Variants in RIPK2 observed in about 807,000 individuals in gnomAD.
The protein encoded by RIPK2 is receptor-interacting serine/threonine-protein kinase 2.
Under a neutral mutation model 60.9 loss-of-function variants are expected in RIPK2, and 38 were observed. The ratio of observed to expected loss-of-function variants is 0.62; its 90% CI spans 0.48 to 0.82. The LOEUF is 0.82. RIPK2 is among the 40% of genes least tolerant of loss of function. The probability of loss-of-function intolerance (pLI) is 0.00; values close to 1 mark genes in which losing one functional copy is unlikely to be tolerated. For synonymous variants in RIPK2, 225 were observed against 223.4 expected (o/e 1.01, Z -0.06); for missense variants, 518 against 647.0 (o/e 0.80, Z 2.16).
At chr8:89,769,369 A>G (rs1028615242) in intron 3 of RIPK2, among the ~76,000 whole-genome samples, 6 of 151,914 alleles carry the variant, frequency 3.9e-5, no homozygotes, top group Admixed American at 3.9e-4. Context: ...ATGACCAGTG[A>G]CAATTGCATG....
Position 89,765,334 on chromosome 8 carries a change from T to C in RIPK2, c.328-7T>C. ...TTCATTTTCTTTCTTTTCACATATA[T>C]ATGAAGAAAACTGAATATCCTGATG... On this transcript the variant is annotated splice_polypyrimidine_tract_variant and splice_region_variant and intron_variant, in intron 2 of 10. Transcript: ENST00000220751. 4 of 1,593,094 alleles carry C rather than the reference T, an allele frequency of 2.5e-6. No homozygotes were observed. The highest frequency in any genetic ancestry group is 3.4e-6 in the Non-Finnish European group (4 of 1,167,264).
chr8:89,770,360 A>C (rs754809231), intron 4 of RIPK2, among the ~76,000 whole-genome samples: 15 of 151,888 alleles, frequency 9.9e-5, no homozygotes, highest in Non-Finnish European at 1.8e-4. Flanking sequence ...AAGAATCCCT[A>C]ATATTTGTAT....
intron 1 of RIPK2, chr8:89,759,229 T>A (rs1809104784): frequency 2.2e-6 from 1 of 449,702 alleles, no homozygotes; most frequent in East Asian, 7.0e-5. Flanking sequence ...CATTAGTTTC[T>A]GTTTTCAGAA....
chr8:89,790,369 G>T lies in RIPK2; in HGVS notation c.1576G>T (p.Val526Phe), dbSNP rs779356255. 3.1e-6 allele frequency: 5 copies of T among 1,610,350 alleles called. No individual in the cohort carries two copies. The highest frequency in any genetic ancestry group is 4.2e-6 in the Non-Finnish European group (5 of 1,178,500). Residue 526 changes from valine to phenylalanine, a missense_variant, in exon 11 of 11, where the codon GTT (valine) becomes TTT (phenylalanine). This residue lies in a region of RIPK2 where 41 missense variants were observed against 43.7 expected (regional missense o/e 0.94). Coordinates refer to ENST00000220751, the MANE Select transcript of RIPK2 (RefSeq NM_003821.6). ...TCAGCCTTACCCGGAAATACTTGTG[G>T]TTTCTAGATCACCATCTTTAAATTT... ...GLQPYPEILV[V>F]SRSPSLNLLQ...
intron 2 of RIPK2, among the ~76,000 whole-genome samples, chr8:89,765,103 A>G (rs938860411): frequency 3.9e-5 from 6 of 152,058 alleles, no homozygotes; most frequent in African/African-American, 1.4e-4. Flanking sequence ...TGCATGACCA[A>G]TATAAACTAA....
At chr8:89,787,872 T>G (rs1431508881) in intron 9 of RIPK2, among the ~76,000 whole-genome samples, 1 of 152,078 alleles carries the variant, frequency 6.6e-6, no homozygotes, top group Non-Finnish European at 1.5e-5. Flanking sequence ...GAGAGATTAT[T>G]AAGAACCGAT....
At chr8:89,779,774 T>C (rs1809466846) in intron 6 of RIPK2, among the ~76,000 whole-genome samples, 1 of 152,220 alleles carries the variant, frequency 6.6e-6, no homozygotes, top group African/African-American at 2.4e-5. Context: ...AGTATCTAAA[T>C]TTATCTGTTT....
At chr8:89,770,475 C>T (rs1343278038) in intron 4 of RIPK2, among the ~76,000 whole-genome samples, 4 of 151,764 alleles carry the variant, frequency 2.6e-5, no homozygotes, top group African/African-American at 9.7e-5. Flanking sequence ...ATAAGCATAA[C>T]ACATTGTTAT....
chr8:89,790,581 C>A lies in RIPK2; in HGVS notation c.*165C>A, dbSNP rs753752158. 3 of 519,190 alleles carry A rather than the reference C, an allele frequency of 5.8e-6. No individual in the cohort carries two copies. The highest frequency in any genetic ancestry group is 9.9e-6 in the Non-Finnish European group (3 of 303,336). The allele number at this position is 519,190 out of a possible 1,614,324, so 32.2% of individuals were successfully genotyped here. A position where few individuals can be genotyped will look rare whatever the true frequency, so the allele number is the denominator to read the frequency against. ...ACTGCAGTATTTTTTTTAATTAATA[C>A]AAGTAAAAAGTTTGAATTTTGCTAC... On this transcript the variant is annotated 3_prime_UTR_variant, in exon 11 of 11. Coordinates refer to ENST00000220751, the MANE Select transcript of RIPK2 (RefSeq NM_003821.6).
At position 89,790,525 on chromosome 8, in the gene RIPK2, C is replaced by G. The variant is rs1054680078; in HGVS notation, c.*109C>G. ...GAGTATTAAAGCTTTATTGAAGGTT[C>G]TTTGGGTAAATATTAGTCTCCCTCC... On this transcript the variant is annotated 3_prime_UTR_variant, in exon 11 of 11. Transcript: ENST00000220751. The G allele has an allele frequency of 1.0e-5, 8 of 766,832 alleles. No individual in the cohort carries two copies. In the African/African-American group the frequency reaches 1.4e-4, roughly 13 times the overall value. 47.5% of individuals were successfully genotyped at this position (766,832 alleles called of 1,614,324 possible).
chr8:89,778,240 A>G (rs889467169), intron 6 of RIPK2, among the ~76,000 whole-genome samples: 3 of 152,204 alleles, frequency 2.0e-5, no homozygotes, highest in Non-Finnish European at 2.9e-5. Flanking sequence ...TTCAATTAAT[A>G]TACATATTAA....
At chr8:89,785,928 C>G (rs1586134427) in intron 8 of RIPK2, among the ~76,000 whole-genome samples, 1 of 152,118 alleles carries the variant, frequency 6.6e-6, no homozygotes, top group African/African-American at 2.4e-5. Context: ...GTGGAAGGAA[C>G]CTGAGGTGCT....
chr8:89,767,799 A>G (rs1809252455), intron 3 of RIPK2, among the ~76,000 whole-genome samples: 1 of 151,802 alleles, frequency 6.6e-6, no homozygotes, highest in African/African-American at 2.4e-5. Flanking sequence ...CTTCAGCAAG[A>G]CAGCCCTTTC....
At chr8:89,779,310 G>GTTTTTTTTTTTTTTTTTTTTTT (rs55784154) in intron 6 of RIPK2, among the ~76,000 whole-genome samples, 1 of 79,094 alleles carries the variant, frequency 1.3e-5, no homozygotes. Flanking sequence ...CGGTTTTTGG[G>GTTTTTTTTTTTTTTTTTTTTTT]TTTTTTTTTT....
intron 6 of RIPK2, 85 bp from the exon 7 acceptor site, chr8:89,779,990 G>C (rs1230012618): frequency 1.5e-6 from 1 of 666,788 alleles, no homozygotes; most frequent in African/African-American, 1.9e-5. Context: ...AAACTGACTT[G>C]AGGCCTTGTA....
intron 5 of RIPK2, among the ~76,000 whole-genome samples, 158 bp downstream of exon 5, chr8:89,771,948 A>G (rs978621207): frequency 2.0e-5 from 3 of 152,012 alleles, no homozygotes; most frequent in African/African-American, 4.8e-5. Flanking sequence ...ACATACTGCA[A>G]AATATACCGG....
intron 1 of RIPK2, among the ~76,000 whole-genome samples, chr8:89,759,597 T>C (rs949108821): frequency 4.6e-5 from 7 of 152,352 alleles, no homozygotes; most frequent in Middle Eastern, 3.4e-3. Flanking sequence ...CTAGAGCTTG[T>C]TTCCACTTCT....
intron 6 of RIPK2, among the ~76,000 whole-genome samples, chr8:89,778,936 G>A (rs1809446402): frequency 6.6e-6 from 1 of 152,096 alleles, no homozygotes; most frequent in East Asian, 1.9e-4. Flanking sequence ...AATGTATGAG[G>A]TTTTCATTTT....
Position 89,786,663 on chromosome 8 carries a change from C to G in RIPK2, c.1100C>G (p.Pro367Arg). The change falls in exon 9 of 11, where the codon CCT (proline) becomes CGT (arginine). Residue 367 changes from proline to arginine, a missense_variant. Coordinates refer to ENST00000220751, the MANE Select transcript of RIPK2 (RefSeq NM_003821.6). ...SPETSRSLPA[P>R]QDNDFLSRKA... ...GAAACTTCAAGGTCCCTGCCAGCTC[C>G]TCAAGACAATGATTTTTTATCTAGT... is the stretch of plus-strand genomic sequence containing the variant. 1 of 1,585,566 alleles carries G rather than the reference C, an allele frequency of 6.3e-7. No individual in the cohort carries two copies. The highest frequency in any genetic ancestry group is 8.6e-7 in the Non-Finnish European group (1 of 1,159,230).
Sources: allele counts gnomAD v4.1 joint callset (sites outside exome capture counted in the v4.1 genomes callset), GRCh38; gene constraint gnomAD v4.1.1; regional missense constraint gnomAD v4.1.1; transcripts MANE v1.5; gene names NCBI Gene and HGNC (gene_info 2026-07-23, HGNC 2026-07-21).